The following USP34 variants were observed in gnomAD, a reference collection of about 807,000 sequenced individuals.
USP34 encodes the protein ubiquitin specific peptidase 34.
USP34 carries 70 observed loss-of-function variants against 460.3 expected under a neutral mutation model. The observed-to-expected ratio is 0.15, with a 90% CI of 0.13 to 0.19. The LOEUF (loss-of-function observed/expected upper bound fraction) is 0.19. Ranked by LOEUF, USP34 falls within the 10% of genes least tolerant of loss-of-function variation. The pLI is 1.00. For synonymous variants in USP34, 1,647 were observed against 1,405.3 expected (o/e 1.17, Z -3.85); for missense variants, 3,985 against 4,236.2 (o/e 0.94, Z 1.65).
chr2:61,246,527 T>G (rs1287627869), intron 49 of USP34, 50 bp from the exon 50 acceptor site: 1 of 1,251,152 alleles, frequency 8.0e-7, no homozygotes, highest in African/African-American at 1.5e-5. Context: ...TTCACAACAG[T>G]TACTTAGAAA....
intron 10 of USP34, among the ~76,000 whole-genome samples, chr2:61,351,040 T>C (rs914776189): frequency 4.3e-4 from 66 of 152,238 alleles, no homozygotes; most frequent in Non-Finnish European, 5.1e-4. Flanking sequence ...CTGGGCAACA[T>C]AGTGAGACCT....
chr2:61,235,886 G>A lies in USP34; in HGVS notation c.6991C>T (p.Leu2331=). The A allele has an allele frequency of 6.2e-7, 1 of 1,613,768 alleles. No homozygotes were observed. ...CTATTATTAAACTGTTTCGTCAACA[G>A]TTCAATCCACTGAAGCATCGTGGGC... is the stretch of plus-strand genomic sequence containing the variant. The part of the protein sequence containing the change: ...EKPTMLQWIE[L]LTKQFNNSQA... Residue 2331 remains leucine (L), a synonymous_variant, in exon 57 of 80, where the codon CTG becomes TTG. Transcript: ENST00000398571.
At chr2:61,188,886 A>C (rs1452608368) in intron 79 of USP34, 24 bp downstream of exon 79, 2 of 1,613,234 alleles carry the variant, frequency 1.2e-6, no homozygotes. Context: ...CCTAAAGGTA[A>C]TGATAGTAGT....
chr2:61,417,907 A>AT (rs1694244937), intron 2 of USP34, among the ~76,000 whole-genome samples: 1 of 149,828 alleles, frequency 6.7e-6, no homozygotes, highest in Non-Finnish European at 1.5e-5. Context: ...CGCCTGGCTA[A>AT]TTTTTGTATT....
In USP34 at chr2:61,319,308, A is replaced by G; in HGVS notation, c.3033T>C (p.Val1011=). 6.4e-7 allele frequency: 1 copy of G among 1,561,292 alleles called. No homozygotes were observed. ...PDHFRLSLEQ[V]DILWHCLVED... is the part of the protein sequence containing the mutation. Reference sequence around the variant, plus strand: ...CTACTAAACAATGCCATAAGATGTCAACTTGCTCTAAACTTAACCCTAGAT... The same window carrying G: ...CTACTAAACAATGCCATAAGATGTCGACTTGCTCTAAACTTAACCCTAGAT... Residue 1011 remains valine (V), a synonymous_variant, in exon 22 of 80, where the codon GTT becomes GTC. Transcript: ENST00000398571.
At chr2:61,434,294 A>G (rs1694754645) in intron 1 of USP34, among the ~76,000 whole-genome samples, 1 of 152,218 alleles carries the variant, frequency 6.6e-6, no homozygotes, top group East Asian at 2.0e-4. Flanking sequence ...CAGGCAGCCA[A>G]GAGCCCACAT....
intron 53 of USP34, among the ~76,000 whole-genome samples, chr2:61,237,884 T>C: frequency 6.6e-6 from 1 of 151,400 alleles, no homozygotes; most frequent in Middle Eastern, 3.2e-3. Context: ...CCAGCCACCC[T>C]AGCTATTTTC....
rs776503974 is a variant in USP34 at position 61,214,178 on chromosome 2, T to C, written c.8564A>G (p.Tyr2855Cys). 5 of 1,614,088 alleles carry C rather than the reference T, an allele frequency of 3.1e-6. No homozygotes were observed. Among genetic ancestry groups the C allele is most frequent in the Admixed American group, 1.7e-5 (1 of 60,006 alleles). ...LFNRGMLPAY[Y>C]GILRLCCEQS... ...CTCACAGCAGAGCCTCAGAATGCCA[T>C]AGTACGCTGGCAGCATCCCACGGTT... is the stretch of plus-strand genomic sequence containing the variant. The change falls in exon 68 of 80, where the codon TAT becomes TGT. Residue 2855 changes from tyrosine to cysteine, a missense_variant. Tyr to Cys is a radical substitution (Grantham distance 194). Around this residue, in one of 14 missense-constraint regions of USP34, gnomAD observed 66 missense variants for 121.2 expected, o/e 0.54. Transcript: ENST00000398571.
At chr2:61,351,304 C>T (rs1351821120) in intron 10 of USP34, among the ~76,000 whole-genome samples, 1 of 152,104 alleles carries the variant, frequency 6.6e-6, no homozygotes, top group East Asian at 1.9e-4. Flanking sequence ...TTATATAATG[C>T]TTTTATTTTA....
rs371580398 is a variant in USP34 at position 61,214,043 on chromosome 2, G to A, written c.8682+17C>T. On this transcript the variant is annotated intron_variant, in intron 68 of 79. Transcript: ENST00000398571. ...TCTATTTGAGGATACAGATAAAAGA[G>A]TATCAATTTTACTCACTCCAGGGTA... 1.2e-6 allele frequency: 2 copies of A among 1,613,364 alleles called. No homozygotes were observed. The highest frequency in any genetic ancestry group is 2.2e-5 in the South Asian group (2 of 90,934).
chr2:61,403,129 G>A (rs1287317310), intron 3 of USP34, among the ~76,000 whole-genome samples: 1 of 152,044 alleles, frequency 6.6e-6, no homozygotes, highest in East Asian at 1.9e-4. Flanking sequence ...GGTATTTTTT[G>A]TCAGAATTTT....
rs1329538331 is a variant in USP34 at position 61,232,442 on chromosome 2, T to TTTTC, written c.7113+6_7113+9dup. 1 of 1,594,754 alleles carries TTTTC rather than the reference T, an allele frequency of 6.3e-7. No individual in the cohort carries two copies. On this transcript the variant is annotated intron_variant, in intron 58 of 79. Transcript: ENST00000398571. Reference sequence around the variant, plus strand: ...TCCAAATAATTTTTTTCAAACATATTTTTCCTTACCTGTCTCACAATTTGA... The same window carrying TTTTC: ...TCCAAATAATTTTTTTCAAACATATTTTTCTTTCCTTACCTGTCTCACAATTTGA...
chr2:61,219,835 A>G (rs959163448), intron 67 of USP34, among the ~76,000 whole-genome samples: 3 of 152,126 alleles, frequency 2.0e-5, no homozygotes, highest in African/African-American at 7.2e-5. Context: ...AACATTTTCT[A>G]TGTTTATTTC....
intron 57 of USP34, among the ~76,000 whole-genome samples, chr2:61,233,045 A>G (rs1387589508): frequency 6.6e-6 from 1 of 151,802 alleles, no homozygotes; most frequent in African/African-American, 2.4e-5. Flanking sequence ...TTTTTAGTAG[A>G]AATGGGGTTT....
intron 41 of USP34, among the ~76,000 whole-genome samples, chr2:61,275,783 C>T (rs146191258): frequency 6.6e-6 from 1 of 152,232 alleles, no homozygotes; most frequent in East Asian, 1.9e-4. Context: ...CTCAGTCATG[C>T]ACAACTCGTT....
intron 5 of USP34, among the ~76,000 whole-genome samples, chr2:61,388,575 T>G (rs752557915): frequency 6.6e-5 from 10 of 150,790 alleles, no homozygotes; most frequent in Non-Finnish European, 1.5e-4. Context: ...GCTAACACGG[T>G]GAAACCCTGC....
Position 61,340,728 on chromosome 2 carries a change from G to T in USP34, c.2501-1047C>A, listed in dbSNP as rs183457867. On this transcript the variant is annotated intron_variant, in intron 16 of 79. Coordinates refer to ENST00000398571, the MANE Select transcript of USP34 (RefSeq NM_014709.4). ...TTAGCCATGTGTATACCTCTTTGGT[G>T]AAATAAGTAATTTGCCACTCTTTTA... Among the ~76,000 whole-genome samples the T allele has an allele frequency of 2.3e-3, 351 of 152,194 alleles. 1 individual carries two copies. The highest frequency in any genetic ancestry group is 4.0e-3 in the Non-Finnish European group (275 of 67,988).
At chr2:61,308,278 T>C (rs868080751) in intron 27 of USP34, among the ~76,000 whole-genome samples, 1 of 151,834 alleles carries the variant, frequency 6.6e-6, no homozygotes, top group Non-Finnish European at 1.5e-5. Flanking sequence ...ATTCAACAAT[T>C]AAGAAAAATG....
chr2:61,311,705 A>G lies in USP34; in HGVS notation c.3670-18T>C, dbSNP rs1452929728. 6.2e-7 allele frequency: 1 copy of G among 1,608,236 alleles called. No individual in the cohort carries two copies. Among genetic ancestry groups the G allele is most frequent in the East Asian group, 2.2e-5 (1 of 44,832 alleles). ...ATAGTCATCTGAAATATGAGATGCAACCAATTTAAAAATACAAAAAGAACA... is the reference window on the plus strand; with the variant it reads ...ATAGTCATCTGAAATATGAGATGCAGCCAATTTAAAAATACAAAAAGAACA... On this transcript the variant is annotated intron_variant, in intron 26 of 79. Coordinates refer to ENST00000398571, the MANE Select transcript of USP34 (RefSeq NM_014709.4).
Sources: allele counts gnomAD v4.1 joint callset (sites outside exome capture counted in the v4.1 genomes callset), GRCh38; gene constraint gnomAD v4.1.1; regional missense constraint gnomAD v4.1.1; transcripts MANE v1.5; gene names NCBI Gene and HGNC (gene_info 2026-07-23, HGNC 2026-07-21).